Variants in P3H2 observed in about 807,000 individuals in gnomAD.
P3H2 encodes the protein prolyl 3-hydroxylase 2, also known as leprecan-like 1.
A neutral mutation model predicts 87.0 loss-of-function variants in P3H2; 80 were observed. The ratio of observed to expected loss-of-function variants is 0.92; its 90% confidence interval spans 0.77 to 1.11. The LOEUF (loss-of-function observed/expected upper bound fraction) is 1.11. Ranked by LOEUF, P3H2 falls within the 50% of genes least tolerant of loss-of-function variation. The pLI is 0.00. For missense variants in P3H2, 1,001 were observed against 923.9 expected (o/e 1.08, Z -1.08); for synonymous variants, 367 against 359.3 (o/e 1.02, Z -0.24).
chr3:190,024,990 A>C (rs1411687726), intron 1 of P3H2, among the ~76,000 whole-genome samples: 2 of 144,434 alleles, frequency 1.4e-5, no homozygotes, highest in African/African-American at 2.9e-5. Flanking sequence ...ATCAAAAGAC[A>C]AAAAAAAAGC....
At chr3:190,051,304 T>C (rs1051812440) in intron 1 of P3H2, among the ~76,000 whole-genome samples, 1 of 152,146 alleles carries the variant, frequency 6.6e-6, no homozygotes, top group Non-Finnish European at 1.5e-5. Flanking sequence ...AAATAACATT[T>C]GTTTTTTCTC....
chr3:190,100,258 C>T (rs1370305861), intron 1 of P3H2, among the ~76,000 whole-genome samples: 4 of 140,106 alleles, frequency 2.9e-5, no homozygotes, highest in Admixed American at 2.8e-4. Context: ...CCGCCCCCCC[C>T]CCCAAAAAAA....
intron 1 of P3H2, among the ~76,000 whole-genome samples, chr3:190,013,585 G>A (rs1442150491): frequency 6.6e-6 from 1 of 152,198 alleles, no homozygotes; most frequent in African/African-American, 2.4e-5. Flanking sequence ...CATGTAAGAA[G>A]AGAAAAATAG....
At chr3:190,013,033 C>G (rs189347685) in intron 1 of P3H2, among the ~76,000 whole-genome samples, 16 of 152,282 alleles carry the variant, frequency 1.1e-4, no homozygotes, top group Admixed American at 9.8e-4. Context: ...GTAAGAAAAG[C>G]TGTTCATATG....
At chr3:190,009,804 A>G (rs975312755) in intron 1 of P3H2, among the ~76,000 whole-genome samples, 1 of 152,218 alleles carries the variant, frequency 6.6e-6, no homozygotes, top group Non-Finnish European at 1.5e-5. Context: ...ATGAGGCACT[A>G]GAGGAAATCT....
intron 1 of P3H2, among the ~76,000 whole-genome samples, chr3:190,059,808 C>G (rs1361060076): frequency 6.6e-6 from 1 of 152,136 alleles, no homozygotes; most frequent in Non-Finnish European, 1.5e-5. Flanking sequence ...ACAGTGTCTT[C>G]TTGTTCACAA....
chr3:189,958,431 T>C (rs1722704829), intron 14 of P3H2, among the ~76,000 whole-genome samples: 1 of 152,228 alleles, frequency 6.6e-6, no homozygotes, highest in Non-Finnish European at 1.5e-5. Context: ...ATAAGTCACC[T>C]ATTCTGTTCT....
intron 6 of P3H2, among the ~76,000 whole-genome samples, chr3:189,986,404 G>A (rs1723698425): frequency 6.6e-6 from 1 of 152,050 alleles, no homozygotes; most frequent in South Asian, 2.1e-4. Flanking sequence ...GACCAACATG[G>A]TGAAACCCCA....
At chr3:190,004,446 G>A (rs995329722) in intron 1 of P3H2, among the ~76,000 whole-genome samples, 56 of 152,226 alleles carry the variant, frequency 3.7e-4, no homozygotes, top group Non-Finnish European at 6.8e-4. Flanking sequence ...GCAGTGGCGG[G>A]ATCTCGGCTC....
At chr3:189,963,195 G>A (rs548486951) in intron 14 of P3H2, among the ~76,000 whole-genome samples, 5 of 152,174 alleles carry the variant, frequency 3.3e-5, no homozygotes, top group African/African-American at 1.2e-4. Context: ...ATCTGCCCAC[G>A]GGCTTCCAAA....
intron 1 of P3H2, among the ~76,000 whole-genome samples, chr3:190,076,991 T>C (rs1726894197): frequency 6.6e-6 from 1 of 152,178 alleles, no homozygotes; most frequent in African/African-American, 2.4e-5. Flanking sequence ...ACTAAAAACT[T>C]TTAAGCATCA....
chr3:190,047,193 A>G (rs555978576), intron 1 of P3H2, among the ~76,000 whole-genome samples: 1 of 152,338 alleles, frequency 6.6e-6, no homozygotes, highest in East Asian at 1.9e-4. Context: ...CCACAGTGAG[A>G]TATCATCTCA....
Position 190,120,722 on chromosome 3 carries a change from G to A in P3H2, c.10C>T (p.Arg4Cys). The change falls in exon 1 of 15, where the codon CGC becomes TGC. Residue 4 changes from arginine (R) to cysteine (C), a missense_variant. Physicochemically the swap from Arg to Cys is radical, Grantham distance 180 (BLOSUM62 -3). Coordinates refer to ENST00000319332, the MANE Select transcript of P3H2 (RefSeq NM_018192.4). ...AGCAGCAGCGGCGGCGCCCAGATGC[G>A]CTCCCGCATCCTCCGCCTCAGAGAG... MRE[R>C]IWAPPLLLLL... 6.6e-7 allele frequency: 1 copy of A among 1,520,588 alleles called. No individual in the cohort carries two copies. Among genetic ancestry groups the A allele is most frequent in the Non-Finnish European group, 8.8e-7 (1 of 1,141,310 alleles). The allele number at this position is 1,520,588 out of a possible 1,614,324, so 94.2% of individuals were successfully genotyped here.
At chr3:190,000,797 A>G (rs528887410) in intron 1 of P3H2, among the ~76,000 whole-genome samples, 1 of 152,294 alleles carries the variant, frequency 6.6e-6, no homozygotes, top group South Asian at 2.1e-4. Flanking sequence ...TGTATAGGCT[A>G]TGGTAGAGTT....
At chr3:190,028,676 G>C (rs764995798) in intron 1 of P3H2, among the ~76,000 whole-genome samples, 4 of 151,822 alleles carry the variant, frequency 2.6e-5, no homozygotes, top group Non-Finnish European at 5.9e-5. Flanking sequence ...CTTAGATGGA[G>C]ACACTCTATG....
intron 1 of P3H2, among the ~76,000 whole-genome samples, chr3:190,115,660 T>C (rs1279365382): frequency 1.3e-5 from 2 of 152,032 alleles, no homozygotes; most frequent in Non-Finnish European, 2.9e-5. Context: ...AAGTAGAAAA[T>C]AGTGAGAAGT....
chr3:190,107,425 A>T (rs1055991585), intron 1 of P3H2, among the ~76,000 whole-genome samples: 4 of 152,116 alleles, frequency 2.6e-5, no homozygotes, highest in Admixed American at 2.0e-4. Context: ...AAGGATTTTA[A>T]TTTCTCTATT....
intron 13 of P3H2, among the ~76,000 whole-genome samples, chr3:189,967,118 A>G (rs1223886592): frequency 2.0e-5 from 3 of 152,122 alleles, no homozygotes; most frequent in African/African-American, 7.2e-5. Flanking sequence ...CTGTGGGGAA[A>G]GATAAGAACT....
intron 3 of P3H2, among the ~76,000 whole-genome samples, chr3:189,989,950 A>G (rs1723827144): frequency 6.6e-6 from 1 of 152,200 alleles, no homozygotes; most frequent in South Asian, 2.1e-4. Flanking sequence ...ATGAAGATGG[A>G]TGTATTTTCC....
Sources: gnomAD v4.1 joint callset for allele counts (sites outside exome capture counted in the v4.1 genomes callset) on GRCh38, gnomAD v4.1.1 for gene constraint, MANE v1.5 for transcripts, NCBI Gene and HGNC (gene_info 2026-07-23, HGNC 2026-07-21) for gene names.